Variants in SI observed in about 807,000 individuals in gnomAD.
SI encodes sucrase-isomaltase.
SI carries 235 observed loss-of-function variants against 253.3 expected under a neutral mutation model. That is an observed-to-expected ratio of 0.93 (90% confidence interval 0.83 to 1.03). SI has a LOEUF of 1.03. Ranked by LOEUF, SI falls within the 50% of genes least tolerant of loss-of-function variation. The pLI is 0.00. For missense variants in SI, 2,442 were observed against 2,211.1 expected, an observed-to-expected ratio of 1.10 and a Z score of -2.09; for synonymous variants, 819 against 712.0, an observed-to-expected ratio of 1.15 and a Z score of -2.39.
At chr3:165,034,797 G>A (rs541512677) in intron 22 of SI, among the ~76,000 whole-genome samples, 15 of 152,150 alleles carry the variant, frequency 9.9e-5, no homozygotes, top group Admixed American at 2.6e-4. Context: ...GAGTAAAATG[G>A]AGGATCATTA....
Position 165,007,921 on chromosome 3 carries a change from A to T in SI, c.4257T>A (p.Pro1419=). Residue 1419 remains proline, a synonymous_variant, in exon 36 of 48, where the codon CCT becomes CCA. Transcript: ENST00000264382. ...QCRNDELNYP[P]YFPELTKRTD... is the part of the protein sequence containing the mutation. ...CCAACAATATTGTACCTGGGAAATA[A>T]GGTGGATAATTTAGTTCGTCATTTC... The T allele has an allele frequency of 6.4e-7, 1 of 1,573,578 alleles. No homozygotes were observed. Among genetic ancestry groups the T allele is most frequent in the Non-Finnish European group, 8.7e-7 (1 of 1,144,710 alleles).
chr3:165,055,795 A>G (rs1054107003), intron 12 of SI, among the ~76,000 whole-genome samples: 1 of 152,100 alleles, frequency 6.6e-6, no homozygotes, highest in Admixed American at 6.6e-5. Context: ...CTAACATATA[A>G]TCTTCATTAG....
chr3:164,992,321 G>T lies in SI; in HGVS notation c.4918C>A (p.Leu1640Met), dbSNP rs1433649965. Residue 1640 changes from leucine to methionine, a missense_variant, in exon 42 of 48, where the codon CTG becomes ATG. Transcript: ENST00000264382. Reference sequence around the variant, plus strand: ...TATGTGGTAGGACTTACAGGTTCCAGTACTGGGGTAACCATAAATGCTGGA... The same window carrying T: ...TATGTGGTAGGACTTACAGGTTCCATTACTGGGGTAACCATAAATGCTGGA... ...WGPAFMVTPV[L>M]EPYVQTVNAY... is the part of the protein sequence containing the mutation. The T allele has an allele frequency of 1.2e-6, 2 of 1,613,136 alleles. No homozygotes were observed. Among genetic ancestry groups the T allele is most frequent in the Non-Finnish European group, 1.7e-6 (2 of 1,179,400 alleles).
chr3:165,025,793 G>T (rs1452462050), intron 25 of SI, among the ~76,000 whole-genome samples: 9 of 151,386 alleles, frequency 5.9e-5, no homozygotes, highest in Non-Finnish European at 1.2e-4. Context: ...AATGCTGAGA[G>T]AATTGTCCAC....
chr3:165,005,082 T>A (rs1238609949), intron 37 of SI, among the ~76,000 whole-genome samples: 1 of 152,272 alleles, frequency 6.6e-6, no homozygotes, highest in Non-Finnish European at 1.5e-5. Flanking sequence ...CTGCCATGAT[T>A]GTATGTTTCC....
At chr3:165,014,168 A>G (rs555104679) in intron 33 of SI, among the ~76,000 whole-genome samples, 5 of 152,198 alleles carry the variant, frequency 3.3e-5, no homozygotes, top group Non-Finnish European at 7.3e-5. Context: ...TTTAATCACT[A>G]ATGTCTTAAT....
In SI at chr3:165,037,933, G is replaced by C. The variant is rs370937543; in HGVS notation, c.2393C>G (p.Pro798Arg). 3 of 1,610,174 alleles carry C rather than the reference G, an allele frequency of 1.9e-6. No individual in the cohort carries two copies. The highest frequency in any genetic ancestry group is 2.7e-5 in the African/African-American group (2 of 74,738). ...GLHLRGGYII[P>R]IQEPDVTTTA... ...TGTTGTTACATCTGGTTCTTGAATG[G>C]GGATGATATAACCTCCTCTAAGATG... The change falls in exon 21 of 48, where the codon CCC (proline) becomes CGC (arginine). Residue 798 changes from proline to arginine, a missense_variant. Physicochemically the swap from Pro to Arg is moderately radical, Grantham distance 103 (BLOSUM62 -2). Transcript: ENST00000264382.
At chr3:165,055,440 T>C in intron 12 of SI, 133 bp from the exon 13 acceptor site, 1 of 559,880 alleles carries the variant, frequency 1.8e-6, no homozygotes, top group South Asian at 2.5e-5. Context: ...GTGACTCATA[T>C]ATAAATTTAC....
chr3:165,021,108 C>T (rs986848125), intron 27 of SI, 121 bp downstream of exon 27: 9 of 793,390 alleles, frequency 1.1e-5, no homozygotes, highest in Non-Finnish European at 1.9e-5. Flanking sequence ...AGTTATTTAA[C>T]ACGTCTTAAA....
intron 35 of SI, among the ~76,000 whole-genome samples, chr3:165,008,688 GC>G (rs1304993356): frequency 1.3e-5 from 2 of 151,858 alleles, no homozygotes; most frequent in Non-Finnish European, 2.9e-5. Flanking sequence ...GCTGTATAAA[GC>G]TTTTTTCAAT....
At chr3:165,065,486 T>G in intron 6 of SI, 54 bp from the exon 7 acceptor site, 5 of 279,024 alleles carry the variant, frequency 1.8e-5, no homozygotes, top group Non-Finnish European at 2.9e-5. Flanking sequence ...TATATATATA[T>G]ATATATATGA....
chr3:165,076,978 G>GT (rs770851693), intron 1 of SI, among the ~76,000 whole-genome samples: 8,929 of 106,790 alleles, frequency 0.084, 327 homozygotes, highest in South Asian at 0.16. Flanking sequence ...ATCACGGTTT[G>GT]TTTTTTTTTT....
chr3:165,047,570 C>G (rs1053068130), intron 15 of SI, among the ~76,000 whole-genome samples: 2 of 151,902 alleles, frequency 1.3e-5, no homozygotes, highest in Non-Finnish European at 1.5e-5. Flanking sequence ...TGGTAAAATA[C>G]AGTGAAAAGG....
Position 164,998,636 on chromosome 3 carries a change from T to C in SI, c.4444A>G (p.Ile1482Val). ...CTAGTAGGATACGTGGAACGAGAAATTACAATCCCTCTTTTTCCAGTTGTC... is the reference window on the plus strand; with the variant it reads ...CTAGTAGGATACGTGGAACGAGAAACTACAATCCCTCTTTTTCCAGTTGTC... ...QKTTGKRGIV[I>V]SRSTYPTSGR... is the part of the protein sequence containing the mutation. Residue 1482 changes from isoleucine to valine, a missense_variant, in exon 38 of 48, where the codon ATT (isoleucine) becomes GTT (valine). Coordinates refer to ENST00000264382, the MANE Select transcript of SI (RefSeq NM_001041.4). 3.1e-6 allele frequency: 5 copies of C among 1,611,840 alleles called. No homozygotes were observed. The highest frequency in any genetic ancestry group is 4.2e-6 in the Non-Finnish European group (5 of 1,178,432).
intron 31 of SI, 104 bp from the exon 32 acceptor site, chr3:165,016,184 T>A: frequency 1.0e-6 from 1 of 997,910 alleles, no homozygotes; most frequent in South Asian, 1.3e-5. Context: ...AAAGTTTGAG[T>A]TCCTCTTCAC....
At chr3:165,025,366 C>G (rs1711858377) in intron 25 of SI, among the ~76,000 whole-genome samples, 1 of 150,938 alleles carries the variant, frequency 6.6e-6, no homozygotes, top group Admixed American at 6.6e-5. Context: ...AATGACCAAA[C>G]CTAAGAATAG....
intron 16 of SI, 35 bp downstream of exon 16, chr3:165,046,806 G>A: frequency 4.6e-6 from 7 of 1,511,682 alleles, no homozygotes; most frequent in Non-Finnish European, 6.4e-6. Context: ...TGTAATTGTA[G>A]CTTTTATGAG....
In SI at chr3:164,983,036, T is replaced by C. The variant is rs1478584632; in HGVS notation, c.5213A>G (p.Asp1738Gly). 1 of 1,546,388 alleles carries C rather than the reference T, an allele frequency of 6.5e-7. No individual in the cohort carries two copies. Among genetic ancestry groups the C allele is most frequent in the South Asian group, 1.1e-5 (1 of 90,000 alleles). Reference protein sequence around the residue: ...DGESIDTYERDLYLSVQFNLN... With the variant: ...DGESIDTYERGLYLSVQFNLN... ...ATTAAATTGTACAGATAAATATAGG[T>C]CTCTTTCATAGGTGTCTGTAGAGAG... Residue 1738 changes from aspartate (D) to glycine (G), a missense_variant, in exon 46 of 48, where the codon GAC (aspartate) becomes GGC (glycine). Transcript: ENST00000264382.
chr3:164,991,277 AC>A, intron 44 of SI, 75 bp downstream of exon 44: 1 of 1,554,264 alleles, frequency 6.4e-7, no homozygotes, highest in Non-Finnish European at 8.9e-7. Context: ...AAAATTTCAA[AC>A]CCTTTCTATT....
Sources: allele counts gnomAD v4.1 joint callset (sites outside exome capture counted in the v4.1 genomes callset), GRCh38; gene constraint gnomAD v4.1.1; transcripts MANE v1.5; gene names NCBI Gene and HGNC (gene_info 2026-07-23, HGNC 2026-07-21).